SCYL2: variants seen among roughly 807,000 people sequenced by gnomAD.
SCYL2 encodes the protein SCY1-like protein 2.
A neutral mutation model predicts 100.4 loss-of-function variants in SCYL2; 36 were observed. That is an observed-to-expected ratio of 0.36 (90% CI 0.27 to 0.47). The LOEUF is 0.47. Ranked by LOEUF, SCYL2 falls within the 20% of genes least tolerant of loss-of-function variation. The pLI is 1.00. For missense variants in SCYL2, 902 were observed against 1,083.9 expected (o/e 0.83, Z 2.36); for synonymous variants, 330 against 359.2 (o/e 0.92, Z 0.92).
intron 13 of SCYL2, 34 bp downstream of exon 13, chr12:100,329,353 C>G (rs1172800891): frequency 6.7e-6 from 7 of 1,042,994 alleles, no homozygotes; most frequent in African/African-American, 1.6e-5. Context: ...TCATTTTATT[C>G]AGCTTACTTT....
At chr12:100,310,955 G>C (rs73147818) in intron 4 of SCYL2, 89 bp from the exon 5 acceptor site, 50,506 of 1,257,382 alleles carry the variant, frequency 0.04, 1,140 homozygotes, top group Middle Eastern at 0.052. Flanking sequence ...TTATTGTGAA[G>C]AGTAGCAATA....
At chr12:100,328,943 T>A (rs1952172729) in intron 12 of SCYL2, among the ~76,000 whole-genome samples, 1 of 152,212 alleles carries the variant, frequency 6.6e-6, no homozygotes, top group South Asian at 2.1e-4. Flanking sequence ...GATAAGCTTC[T>A]TATGTTATGC....
intron 3 of SCYL2, among the ~76,000 whole-genome samples, chr12:100,292,873 A>G (rs1353052068): frequency 1.3e-5 from 2 of 152,334 alleles, no homozygotes; most frequent in Non-Finnish European, 1.5e-5. Flanking sequence ...GCTGGATTAC[A>G]GTAGTGCCAT....
At chr12:100,277,966 G>T (rs559369096) in intron 1 of SCYL2, among the ~76,000 whole-genome samples, 1 of 151,900 alleles carries the variant, frequency 6.6e-6, no homozygotes, top group African/African-American at 2.4e-5. Context: ...AAATGATACT[G>T]TACTGCCTCA....
intron 4 of SCYL2, among the ~76,000 whole-genome samples, chr12:100,307,990 A>C (rs937399887): frequency 1.3e-5 from 2 of 152,204 alleles, no homozygotes; most frequent in African/African-American, 4.8e-5. Context: ...AGGAAACAAC[A>C]GATGCTGGAG....
intron 4 of SCYL2, among the ~76,000 whole-genome samples, chr12:100,305,182 C>A (rs1309078570): frequency 1.3e-5 from 2 of 152,178 alleles, no homozygotes; most frequent in Admixed American, 6.5e-5. Flanking sequence ...ACTCTCCATC[C>A]CAAATCAACA....
At chr12:100,332,823 T>C (rs897657849) in intron 13 of SCYL2, among the ~76,000 whole-genome samples, 18 of 151,072 alleles carry the variant, frequency 1.2e-4, no homozygotes, top group African/African-American at 4.1e-4. Context: ...CAAGTGATCC[T>C]CCCACCTCAG....
At chr12:100,331,661 G>T (rs1009092179) in intron 13 of SCYL2, among the ~76,000 whole-genome samples, 26 of 151,734 alleles carry the variant, frequency 1.7e-4, no homozygotes, top group Admixed American at 6.6e-4. Context: ...GGTTTTTTTT[G>T]GGGTGGGGGG....
At chr12:100,279,655 C>T (rs1447267467) in intron 1 of SCYL2, among the ~76,000 whole-genome samples, 1 of 152,134 alleles carries the variant, frequency 6.6e-6, no homozygotes, top group Non-Finnish European at 1.5e-5. Context: ...TTTAGATTAG[C>T]TTTTACTCTA....
At chr12:100,309,553 G>A (rs1187604619) in intron 4 of SCYL2, among the ~76,000 whole-genome samples, 1 of 152,166 alleles carries the variant, frequency 6.6e-6, no homozygotes, top group East Asian at 1.9e-4. Context: ...GCATTTGTTG[G>A]AATTTCCTTC....
chr12:100,302,257 T>A (rs150493405), intron 4 of SCYL2, among the ~76,000 whole-genome samples: 16 of 152,278 alleles, frequency 1.1e-4, no homozygotes, highest in African/African-American at 3.9e-4. Context: ...CCCTTATCTG[T>A]CCCAGTTGTT....
In SCYL2 at chr12:100,329,298, A is replaced by G; in HGVS notation, c.1740A>G (p.Glu580=). The change falls in exon 13 of 18, where the codon GAA becomes GAG. Residue 580 remains glutamate, a synonymous_variant. Transcript: ENST00000360820. ...CTCATCTTATTCCCCTGAGTATTGA[A>G]AACAATCTTAATCTTAATCAGGTAG... ...VLPHLIPLSI[E]NNLNLNQFNS... The G allele has an allele frequency of 6.4e-7, 1 of 1,572,710 alleles. No individual in the cohort carries two copies. Among genetic ancestry groups the G allele is most frequent in the South Asian group, 1.1e-5 (1 of 89,886 alleles).
Position 100,315,541 on chromosome 12 carries a change from AC to A in SCYL2, c.1096-16del, listed in dbSNP as rs764936056. ...ATAAATTTTATTTTTTTTTTAAAAA[AC>A]ATTTTTGCCTTTCAGCGTGTCATTG... On this transcript the variant is annotated splice_polypyrimidine_tract_variant and intron_variant, in intron 8 of 17. Transcript: ENST00000360820. The A allele has an allele frequency of 1.8e-5, 28 of 1,558,144 alleles. No homozygotes were observed. In the South Asian group the frequency reaches 3.4e-4, roughly 19 times the overall value.
At chr12:100,309,107 TGTG>T (rs2135894872) in intron 4 of SCYL2, among the ~76,000 whole-genome samples, 2 of 76,162 alleles carry the variant, frequency 2.6e-5, no homozygotes, top group Middle Eastern at 6.2e-3. Context: ...TATTTTGATT[TGTG>T]TGTGTGTGTG....
chr12:100,287,380 ACCT>A (rs2096305525), intron 2 of SCYL2, among the ~76,000 whole-genome samples: 1 of 152,028 alleles, frequency 6.6e-6, no homozygotes, highest in South Asian at 2.1e-4. Flanking sequence ...TACAGCCTTG[ACCT>A]CCTGGGCTCA....
chr12:100,325,684 T>G (rs1268239622), intron 11 of SCYL2, among the ~76,000 whole-genome samples: 1 of 152,190 alleles, frequency 6.6e-6, no homozygotes, highest in African/African-American at 2.4e-5. Context: ...ATTTATTCAT[T>G]ACTTACATGA....
chr12:100,326,810 A>G, intron 12 of SCYL2, 56 bp downstream of exon 12: 2 of 1,487,614 alleles, frequency 1.3e-6, no homozygotes, highest in Non-Finnish European at 1.8e-6. Context: ...TAAATTTTCC[A>G]ATCTATAAAA....
chr12:100,288,874 A>C lies in SCYL2; in HGVS notation c.178-2629A>C, dbSNP rs1220427219. Among the ~76,000 whole-genome samples, 4 of 151,450 alleles carry C rather than the reference A, an allele frequency of 2.6e-5. No individual in the cohort carries two copies. The South Asian group carries it at 6.2e-4, about 24-fold the overall frequency. ...AAAAAAAAGACTTGAAAAATAAAAC[A>C]TTTATTTATTTAAAATTTTTTTTTT... On this transcript the variant is annotated intron_variant, in intron 2 of 17. Transcript: ENST00000360820.
At chr12:100,285,004 T>TA (rs1240230726) in intron 2 of SCYL2, among the ~76,000 whole-genome samples, 10 of 151,992 alleles carry the variant, frequency 6.6e-5, no homozygotes, top group Non-Finnish European at 1.3e-4. Context: ...AGACTCTGTC[T>TA]AAAAAAAATT....
Sources: allele counts gnomAD v4.1 joint callset (sites outside exome capture counted in the v4.1 genomes callset), GRCh38; gene constraint gnomAD v4.1.1; transcripts MANE v1.5; gene names NCBI Gene and HGNC (gene_info 2026-07-23, HGNC 2026-07-21).